The following CCDC60 variants were observed in gnomAD, a reference collection of about 807,000 sequenced individuals.
CCDC60 encodes the protein coiled-coil domain containing 60.
Under a neutral mutation model 63.5 loss-of-function variants are expected in CCDC60, and 54 were observed. That is an observed-to-expected ratio of 0.85 (90% CI 0.68 to 1.07). The LOEUF (loss-of-function observed/expected upper bound fraction) is 1.07. Among genes scored for constraint, CCDC60 ranks in the 50% least tolerant of loss-of-function variants. CCDC60 has a pLI of 0.00. For synonymous variants in CCDC60, 206 were observed against 238.8 expected, an observed-to-expected ratio of 0.86 and a Z score of 1.27; for missense variants, 651 against 684.3, an observed-to-expected ratio of 0.95 and a Z score of 0.54.
At chr12:119,347,314 T>C (rs1414647153) in intron 1 of CCDC60, among the ~76,000 whole-genome samples, 1 of 152,118 alleles carries the variant, frequency 6.6e-6, no homozygotes, top group Non-Finnish European at 1.5e-5. Context: ...GCTGAAATGT[T>C]GATAATCGTA....
chr12:119,450,405 C>T lies in CCDC60; in HGVS notation c.171-21589C>T, dbSNP rs1230607291. Among the ~76,000 whole-genome samples, 4 of 152,206 alleles carry T rather than the reference C, an allele frequency of 2.6e-5. No homozygotes were observed. The East Asian group carries it at 7.7e-4, about 29-fold the overall frequency. ...AAAATGATACTTCTACCCCCTAAAT[C>T]CATTAAAATTTTTTAAAAATTTTTA... On this transcript the variant is annotated intron_variant, in intron 2 of 13. Transcript: ENST00000327554.
chr12:119,466,703 G>C (rs949700450), intron 2 of CCDC60, among the ~76,000 whole-genome samples: 2 of 152,172 alleles, frequency 1.3e-5, no homozygotes, highest in Non-Finnish European at 2.9e-5. Flanking sequence ...CAAGCCACTG[G>C]TCCCTTCCTG....
At chr12:119,536,483 T>C (rs1282265645) in intron 13 of CCDC60, among the ~76,000 whole-genome samples, 1 of 152,216 alleles carries the variant, frequency 6.6e-6, no homozygotes, top group East Asian at 1.9e-4. Context: ...ATTTTGCCCA[T>C]TAGCTGATGC....
At chr12:119,520,596 C>T (rs1952499114) in intron 9 of CCDC60, among the ~76,000 whole-genome samples, 1 of 145,678 alleles carries the variant, frequency 6.9e-6, no homozygotes, top group South Asian at 2.2e-4. Flanking sequence ...GGCTGGAGTG[C>T]AGTGGTGTGA....
intron 7 of CCDC60, among the ~76,000 whole-genome samples, chr12:119,507,498 A>C (rs1318666701): frequency 7.4e-6 from 1 of 135,866 alleles, no homozygotes; most frequent in Non-Finnish European, 1.5e-5. Context: ...ATATATACAT[A>C]TATACACACA....
At chr12:119,452,750 G>T (rs892761541) in intron 2 of CCDC60, among the ~76,000 whole-genome samples, 1 of 152,098 alleles carries the variant, frequency 6.6e-6, no homozygotes, top group African/African-American at 2.4e-5. Flanking sequence ...AGAACAGAGT[G>T]GTTCATGAAT....
intron 2 of CCDC60, among the ~76,000 whole-genome samples, chr12:119,446,481 G>A (rs1950543906): frequency 6.6e-6 from 1 of 152,124 alleles, no homozygotes; most frequent in South Asian, 2.1e-4. Flanking sequence ...ATGCCCCTGG[G>A]GCCGTACAAC....
intron 2 of CCDC60, among the ~76,000 whole-genome samples, chr12:119,435,185 C>T (rs1474094871): frequency 6.6e-6 from 1 of 152,178 alleles, no homozygotes; most frequent in Non-Finnish European, 1.5e-5. Context: ...AGCGATCTCA[C>T]AGTAGGCACC....
intron 2 of CCDC60, among the ~76,000 whole-genome samples, chr12:119,467,582 C>T (rs925923997): frequency 7.2e-5 from 11 of 152,372 alleles, no homozygotes; most frequent in African/African-American, 2.6e-4. Context: ...ACCATGCTGG[C>T]ACCCTGATCT....
intron 1 of CCDC60, among the ~76,000 whole-genome samples, chr12:119,380,384 T>G (rs1955995973): frequency 6.6e-6 from 1 of 152,220 alleles, no homozygotes; most frequent in African/African-American, 2.4e-5. Flanking sequence ...TCAGGGCCTT[T>G]CCTTCTCCCC....
At position 119,373,663 on chromosome 12, in the gene CCDC60, G is replaced by T. The variant is rs574332476; in HGVS notation, c.90+38397G>T. Among the ~76,000 whole-genome samples, 543 of 122,284 alleles carry T rather than the reference G, an allele frequency of 4.4e-3. 2 individuals carry two copies. Among genetic ancestry groups the T allele is most frequent in the African/African-American group, 0.015 (494 of 33,780 alleles). The allele number at this position is 122,284 out of a possible 152,430, so 80.2% of individuals were successfully genotyped here. A position where few individuals can be genotyped will look rare whatever the true frequency, so the allele number is the denominator to read the frequency against. On this transcript the variant is annotated intron_variant, in intron 1 of 13. Transcript: ENST00000327554. ...AGGCAAGATACTTTCTCTCCGGGGT[G>T]GGGTGGGGGGGGGTCTCAGTTCCCT...
chr12:119,486,338 G>T (rs1054858169), intron 4 of CCDC60, among the ~76,000 whole-genome samples: 1 of 152,024 alleles, frequency 6.6e-6, no homozygotes, highest in Non-Finnish European at 1.5e-5. Flanking sequence ...GGAGTTTGAC[G>T]CTAGCCTAGG....
At chr12:119,501,076 A>C (rs1056362036) in intron 6 of CCDC60, among the ~76,000 whole-genome samples, 1 of 152,242 alleles carries the variant, frequency 6.6e-6, no homozygotes, top group Non-Finnish European at 1.5e-5. Context: ...GTAATAGAGC[A>C]CACAACTAGA....
intron 2 of CCDC60, among the ~76,000 whole-genome samples, chr12:119,435,867 T>A (rs928317320): frequency 2.6e-5 from 4 of 152,170 alleles, no homozygotes; most frequent in Non-Finnish European, 4.4e-5. Context: ...CAGCTGAGGA[T>A]CAGGGAGGTG....
At chr12:119,390,821 T>C (rs1488544736) in intron 1 of CCDC60, among the ~76,000 whole-genome samples, 2 of 152,362 alleles carry the variant, frequency 1.3e-5, no homozygotes, top group African/African-American at 2.4e-5. Flanking sequence ...GCAAGAACAG[T>C]GGCAGGTGCA....
chr12:119,450,401 A>G (rs1223205778), intron 2 of CCDC60, among the ~76,000 whole-genome samples: 1 of 152,162 alleles, frequency 6.6e-6, no homozygotes, highest in Non-Finnish European at 1.5e-5. Flanking sequence ...TCTACCCCCT[A>G]AATCCATTAA....
chr12:119,540,744 G>A lies in CCDC60; in HGVS notation c.*29G>A, dbSNP rs540999750. 6.8e-7 allele frequency: 1 copy of A among 1,472,792 alleles called. No homozygotes were observed. The highest frequency in any genetic ancestry group is 1.1e-5 in the South Asian group (1 of 88,094). The allele number at this position is 1,472,792 out of a possible 1,614,324, so 91.2% of individuals were successfully genotyped here. ...GGGCCTGGGTTGACCAGCTGTCTCA[G>A]TGGAGGAGTGTTTGCCTATATCATG... On this transcript the variant is annotated 3_prime_UTR_variant, in exon 14 of 14. Coordinates refer to ENST00000327554, the MANE Select transcript of CCDC60 (RefSeq NM_178499.5).
intron 2 of CCDC60, among the ~76,000 whole-genome samples, chr12:119,467,370 T>C (rs1277777091): frequency 6.6e-6 from 1 of 152,232 alleles, no homozygotes; most frequent in Non-Finnish European, 1.5e-5. Context: ...ACCAAATTCA[T>C]ATGTTGAAAT....
At chr12:119,447,599 C>T (rs1950564563) in intron 2 of CCDC60, among the ~76,000 whole-genome samples, 1 of 152,162 alleles carries the variant, frequency 6.6e-6, no homozygotes, top group African/African-American at 2.4e-5. Context: ...CCCTCCCATT[C>T]CATTTAGTCA....
Sources: allele counts gnomAD v4.1 joint callset (sites outside exome capture counted in the v4.1 genomes callset), GRCh38; gene constraint gnomAD v4.1.1; transcripts MANE v1.5; gene names NCBI Gene and HGNC (gene_info 2026-07-23, HGNC 2026-07-21).